TPD52L2: variants seen among roughly 807,000 people sequenced by gnomAD.
The protein encoded by TPD52L2 is TPD52 like 2.
Under a neutral mutation model 24.7 loss-of-function variants are expected in TPD52L2, and 19 were observed. The ratio of observed to expected loss-of-function variants is 0.77; its 90% confidence interval spans 0.54 to 1.13. The LOEUF is 1.13. TPD52L2 is among the 50% of genes most tolerant of loss of function. The pLI is 0.00. For synonymous variants in TPD52L2, 104 were observed against 100.2 expected, an observed-to-expected ratio of 1.04 and a Z score of -0.23; for missense variants, 236 against 250.4, an observed-to-expected ratio of 0.94 and a Z score of 0.39.
chr20:63,887,600 C>G, intron 5 of TPD52L2: 1 of 1,613,410 alleles, frequency 6.2e-7, no homozygotes, highest in Non-Finnish European at 8.5e-7. Flanking sequence ...GTATGCCAGC[C>G]ATGAGGTAAT....
At chr20:63,884,834 AGCTC>A (rs1170309514) in intron 5 of TPD52L2, among the ~76,000 whole-genome samples, 1 of 152,114 alleles carries the variant, frequency 6.6e-6, no homozygotes, top group Non-Finnish European at 1.5e-5. Flanking sequence ...GGGACGAGCC[AGCTC>A]GCTCCAGTTG....
At chr20:63,870,139 A>G (rs1418839645) in intron 2 of TPD52L2, among the ~76,000 whole-genome samples, 1 of 152,242 alleles carries the variant, frequency 6.6e-6, no homozygotes, top group Non-Finnish European at 1.5e-5. Context: ...AAACAAAACA[A>G]AAACTTCTTT....
At chr20:63,873,487 CAA>C (rs111933772) in intron 2 of TPD52L2, among the ~76,000 whole-genome samples, 179 bp from the exon 3 acceptor site, 23 of 119,708 alleles carry the variant, frequency 1.9e-4, no homozygotes, top group East Asian at 4.6e-4. Flanking sequence ...AACTCCATCT[CAA>C]AAAAAAAAAA....
At chr20:63,886,501 A>G (rs933674558) in intron 5 of TPD52L2, among the ~76,000 whole-genome samples, 32 of 151,096 alleles carry the variant, frequency 2.1e-4, no homozygotes, top group Admixed American at 1.8e-3. Context: ...AGCTGGGACT[A>G]CAGGCGCCCG....
At chr20:63,885,011 C>G (rs1410076066) in intron 5 of TPD52L2, among the ~76,000 whole-genome samples, 1 of 152,220 alleles carries the variant, frequency 6.6e-6, no homozygotes, top group African/African-American at 2.4e-5. Context: ...TTTCTGAGGT[C>G]TGGGCCCATT....
rs771765045 is a variant in TPD52L2 at position 63,889,192 on chromosome 20, A to G, written c.479A>G (p.Asn160Ser). 2 of 1,613,352 alleles carry G rather than the reference A, an allele frequency of 1.2e-6. No individual in the cohort carries two copies. The highest frequency in any genetic ancestry group is 2.2e-5 in the South Asian group (2 of 90,814). The stretch of plus-strand genomic sequence containing the variant: ...CACTCTTCCCTCTCTCTTTAAAGGA[A>G]CTCTGCGACCTTCAAGTCGTTTGAG... The part of the protein sequence containing the change: ...AISRKLGDMR[N>S]SATFKSFEDR... Residue 160 changes from asparagine (N) to serine (S), a missense_variant and splice_region_variant, in exon 6 of 7, where the codon AAC becomes AGC. Physicochemically the swap from Asn to Ser is conservative, Grantham distance 46 (BLOSUM62 1). Transcript: ENST00000346249.
chr20:63,880,625 TCAC>T (rs2052857324), intron 4 of TPD52L2, among the ~76,000 whole-genome samples: 1 of 152,242 alleles, frequency 6.6e-6, no homozygotes, highest in Non-Finnish European at 1.5e-5. Flanking sequence ...GCACGGTGGC[TCAC>T]ACCTGTAATC....
At chr20:63,882,494 G>A (rs372533825) in intron 4 of TPD52L2, among the ~76,000 whole-genome samples, 39 of 152,356 alleles carry the variant, frequency 2.6e-4, no homozygotes, top group African/African-American at 9.1e-4. Context: ...GTCGCCGAGA[G>A]CTCAGTGAGC....
At chr20:63,881,188 G>A (rs933775893) in intron 4 of TPD52L2, among the ~76,000 whole-genome samples, 1 of 151,964 alleles carries the variant, frequency 6.6e-6, no homozygotes, top group Non-Finnish European at 1.5e-5. Context: ...ATGGTGAAAC[G>A]CTATCTGTAC....
At chr20:63,866,984 G>C (rs1263878928) in intron 1 of TPD52L2, among the ~76,000 whole-genome samples, 3 of 146,162 alleles carry the variant, frequency 2.1e-5, no homozygotes, top group Non-Finnish European at 4.5e-5. Flanking sequence ...ACGGATTTTC[G>C]CTCTTGTTGC....
At position 63,891,113 on chromosome 20, in the gene TPD52L2, A is replaced by G. The variant is rs7000; in HGVS notation, c.*1168A>G. The G allele has an allele frequency of 0.68, 103,447 of 152,642 alleles. 35,830 individuals are homozygous for G. Among genetic ancestry groups the G allele is most frequent in the East Asian group, 0.96 (5,123 of 5,312 alleles). 9.5% of individuals were successfully genotyped at this position (152,642 alleles called of 1,614,324 possible). On this transcript the variant is annotated 3_prime_UTR_variant, in exon 7 of 7. Transcript: ENST00000346249. The surrounding 1 kb of genome is among the most constrained non-coding windows in gnomAD (Gnocchi z 4.7). ...CAAAGATCTCTTCCTGTTACTAAAT[A>G]GTCGCACCCCAGCAGCCTCTCTCGC...
Position 63,865,358 on chromosome 20 carries a change from G to T in TPD52L2, c.-8G>T. 4 of 1,526,970 alleles carry T rather than the reference G, an allele frequency of 2.6e-6. No individual in the cohort carries two copies. Among genetic ancestry groups the T allele is most frequent in the Non-Finnish European group, 2.6e-6 (3 of 1,142,722 alleles). The allele number at this position is 1,526,970 out of a possible 1,614,324, so 94.6% of individuals were successfully genotyped here. ...CGCCCGCGACAGCGGTCCGGACGCCGCCCGAACATGGACTCCGCCGGCCAA... is the reference window on the plus strand; with the variant it reads ...CGCCCGCGACAGCGGTCCGGACGCCTCCCGAACATGGACTCCGCCGGCCAA... On this transcript the variant is annotated 5_prime_UTR_variant, in exon 1 of 7. Transcript: ENST00000346249.
chr20:63,882,248 C>T (rs978338273), intron 4 of TPD52L2, among the ~76,000 whole-genome samples: 17 of 152,262 alleles, frequency 1.1e-4, no homozygotes. Context: ...GGGAAACTTG[C>T]ACGCATGGGC....
At position 63,891,397 on chromosome 20, in the gene TPD52L2, T is replaced by TC. The variant is rs2053314771; in HGVS notation, c.*1453dup. The stretch of plus-strand genomic sequence containing the variant: ...TGCAGGGGCCAGGGAAGCCCAGCGC[T>TC]CGGTGCCCTTCGTCCAGGGTTAAAA... On this transcript the variant is annotated 3_prime_UTR_variant, in exon 7 of 7. Transcript: ENST00000346249. This position sits in a 1 kb window ranked among gnomAD's most constrained non-coding sequence, Gnocchi z 4.7. 1 of 152,424 alleles carries TC rather than the reference T, an allele frequency of 6.6e-6. No individual in the cohort carries two copies. The highest frequency in any genetic ancestry group is 6.5e-5 in the Admixed American group (1 of 15,282). The allele number at this position is 152,424 out of a possible 1,614,324, so 9.4% of individuals were successfully genotyped here.
At chr20:63,886,444 TC>T (rs1165804941) in intron 5 of TPD52L2, among the ~76,000 whole-genome samples, 2 of 150,598 alleles carry the variant, frequency 1.3e-5, no homozygotes, top group Non-Finnish European at 2.9e-5. Flanking sequence ...CACTGCAAGC[TC>T]CGCCTCCCGG....
At chr20:63,869,542 T>A in intron 2 of TPD52L2, 101 bp downstream of exon 2, 2 of 1,484,904 alleles carry the variant, frequency 1.3e-6, no homozygotes, top group Non-Finnish European at 1.9e-6. Context: ...GGAATTGCCC[T>A]GGGTGGTCAC....
intron 2 of TPD52L2, among the ~76,000 whole-genome samples, chr20:63,870,659 G>A (rs2052427812): frequency 6.7e-6 from 1 of 150,284 alleles, no homozygotes; most frequent in Non-Finnish European, 1.5e-5. Context: ...GAGTAGCTGG[G>A]ACTACAGGCG....
intron 2 of TPD52L2, among the ~76,000 whole-genome samples, chr20:63,871,631 A>G (rs1454197878): frequency 5.6e-5 from 8 of 143,426 alleles, no homozygotes; most frequent in African/African-American, 7.8e-5. Context: ...ATTACACGCA[A>G]GAAAGAGTTT....
At chr20:63,886,484 TCC>T (rs1301971890) in intron 5 of TPD52L2, among the ~76,000 whole-genome samples, 6 of 148,778 alleles carry the variant, frequency 4.0e-5, no homozygotes, top group Non-Finnish European at 8.9e-5. Context: ...CCTCAGCCTC[TCC>T]GAGTAGCTGG....
Sources: gnomAD v4.1 joint callset for allele counts (sites outside exome capture counted in the v4.1 genomes callset) on GRCh38, gnomAD v4.1.1 for gene constraint, Gnocchi (gnomAD v3.1) non-coding constraint, MANE v1.5 for transcripts, NCBI Gene and HGNC (gene_info 2026-07-23, HGNC 2026-07-21) for gene names.